Variants in KIAA1755 observed in about 807,000 individuals in gnomAD.
The protein encoded by KIAA1755 is KIAA1755, also known as uncharacterized protein KIAA1755.
A neutral mutation model predicts 91.7 loss-of-function variants in KIAA1755; 68 were observed. That is an observed-to-expected ratio of 0.74 (90% CI 0.61 to 0.91). The LOEUF (loss-of-function observed/expected upper bound fraction) is 0.91. KIAA1755 is among the 40% of genes least tolerant of loss of function. KIAA1755 has a pLI of 0.00. For missense variants in KIAA1755, 1,535 were observed against 1,494.4 expected (o/e 1.03, Z -0.45); for synonymous variants, 610 against 604.6 (o/e 1.01, Z -0.13).
intron 1 of KIAA1755, among the ~76,000 whole-genome samples, chr20:38,248,681 TTTATTATTATTATTATTA>T (rs139229061): frequency 1.4e-5 from 2 of 144,788 alleles, no homozygotes; most frequent in East Asian, 2.0e-4. Flanking sequence ...TTGTCTTCTC[TTTATTATTATTATTATTA>T]TTATTATTAT....
intron 2 of KIAA1755, among the ~76,000 whole-genome samples, chr20:38,242,350 CT>C (rs887309387): frequency 2.0e-5 from 3 of 152,186 alleles, no homozygotes; most frequent in African/African-American, 7.2e-5. Context: ...TGCTTAACTT[CT>C]TTGAGCCCCA....
chr20:38,215,210 C>T (rs993416649), intron 13 of KIAA1755, among the ~76,000 whole-genome samples: 1 of 152,206 alleles, frequency 6.6e-6, no homozygotes, highest in African/African-American at 2.4e-5. Context: ...AAATTCAGGG[C>T]CAGTGAGGAA....
At chr20:38,240,490 G>A (rs1350327672) in intron 3 of KIAA1755, 92 bp downstream of exon 3, 1 of 1,299,592 alleles carries the variant, frequency 7.7e-7, no homozygotes, top group African/African-American at 1.5e-5. Context: ...GCCAGCCCAG[G>A]TGGTCTCTAT....
In KIAA1755 at chr20:38,228,183, TG is replaced by T. The variant is rs34934861; in HGVS notation, c.1928del (p.Pro643HisfsTer46). On this transcript the variant is annotated frameshift_variant, in exon 6 of 14. Coordinates refer to ENST00000279024, the MANE Select transcript of KIAA1755 (RefSeq NM_001029864.2). LOFTEE classifies it high-confidence loss of function. ...GCAGGGCGCTGACCAGACCGGGCTGTGGGGGCTGTCTCCTGGCGTCAATCAG... is the reference window on the plus strand; with the variant it reads ...GCAGGGCGCTGACCAGACCGGGCTGTGGGGCTGTCTCCTGGCGTCAATCAG... ...AVLIDARRQP[P>X]QPGLVSALQA... 1 of 1,605,570 alleles carries T rather than the reference TG, an allele frequency of 6.2e-7. No homozygotes were observed. Among genetic ancestry groups the T allele is most frequent in the Non-Finnish European group, 8.5e-7 (1 of 1,176,484 alleles).
chr20:38,260,314 G>A (rs1315341216), intron 1 of KIAA1755, 184 bp downstream of exon 1: 26 of 1,553,408 alleles, frequency 1.7e-5, no homozygotes, highest in East Asian at 4.9e-5. Context: ...GACGCGGCCA[G>A]AGATGGGCTC....
intron 12 of KIAA1755, 57 bp downstream of exon 12, chr20:38,218,187 C>T: frequency 1.9e-6 from 3 of 1,607,678 alleles, no homozygotes; most frequent in Non-Finnish European, 8.5e-7. Context: ...CAGTGCCACC[C>T]CCTCTAACGC....
chr20:38,245,510 A>C (rs1395077393), intron 2 of KIAA1755, among the ~76,000 whole-genome samples: 1 of 152,214 alleles, frequency 6.6e-6, no homozygotes, highest in African/African-American at 2.4e-5. Flanking sequence ...AAGAGGTCAC[A>C]GGGGAAGAAA....
At chr20:38,223,684 G>A (rs1389447493) in intron 8 of KIAA1755, 48 bp from the exon 9 acceptor site, 1 of 1,439,846 alleles carries the variant, frequency 6.9e-7, no homozygotes, top group African/African-American at 1.4e-5. Flanking sequence ...GGCCAACCAG[G>A]AGGATGCCTC....
intron 4 of KIAA1755, among the ~76,000 whole-genome samples, chr20:38,237,839 T>G (rs2075986570): frequency 2.8e-5 from 4 of 145,268 alleles, no homozygotes; most frequent in Non-Finnish European, 3.0e-5. Flanking sequence ...ATGGGGGGAG[T>G]CATGTGGGGA....
At chr20:38,238,680 C>G (rs950024355) in intron 4 of KIAA1755, among the ~76,000 whole-genome samples, 5 of 152,216 alleles carry the variant, frequency 3.3e-5, no homozygotes, top group Non-Finnish European at 7.3e-5. Flanking sequence ...TTCCCCACCA[C>G]TAGAATATAG....
chr20:38,250,462 A>ATATTATTAT (rs147689166), intron 1 of KIAA1755, among the ~76,000 whole-genome samples: 1,792 of 147,742 alleles, frequency 0.012, 50 homozygotes, highest in African/African-American at 0.042. Context: ...TTCTGTGGTC[A>ATATTATTAT]TATTATTATT....
chr20:38,251,502 T>C (rs2076248545), intron 1 of KIAA1755, among the ~76,000 whole-genome samples: 1 of 148,640 alleles, frequency 6.7e-6, no homozygotes, highest in African/African-American at 2.5e-5. Context: ...GGCAATGGAG[T>C]GGGGGTGGGG....
At chr20:38,259,522 TGTGTGTGTGA>T (rs1226394147) in intron 1 of KIAA1755, among the ~76,000 whole-genome samples, 1 of 139,316 alleles carries the variant, frequency 7.2e-6, no homozygotes, top group African/African-American at 2.8e-5. Flanking sequence ...TGTGTGTGTG[TGTGTGTGTGA>T]GAGAGAGAGA....
Position 38,241,870 on chromosome 20 carries a change from T to G in KIAA1755, c.261A>C (p.Glu87Asp). The G allele has an allele frequency of 6.2e-7, 1 of 1,613,950 alleles. No homozygotes were observed. Among genetic ancestry groups the G allele is most frequent in the African/African-American group, 1.3e-5 (1 of 75,042 alleles). Residue 87 changes from glutamate to aspartate, a missense_variant, in exon 3 of 14, where the codon GAA (glutamate) becomes GAC (aspartate). Coordinates refer to ENST00000279024, the MANE Select transcript of KIAA1755 (RefSeq NM_001029864.2). Reference protein sequence around the residue: ...HEGWPLCLRDEVVVHLAPLNP... With the variant: ...HEGWPLCLRDDVVVHLAPLNP... ...TGAGGGGTGCCAAGTGGACCACAAC[T>G]TCATCCCTCAGACAGAGTGGCCAGC...
intron 7 of KIAA1755, 50 bp downstream of exon 7, chr20:38,227,104 T>A: frequency 7.0e-7 from 1 of 1,422,416 alleles, no homozygotes; most frequent in Non-Finnish European, 9.9e-7. Flanking sequence ...CCAGCTCAGC[T>A]CGAGCCCAAC....
In KIAA1755 at chr20:38,257,347, G is replaced by C. The variant is rs529309186; in HGVS notation, c.3+3151C>G. ...TGTAAACCGAGCACTTTGGGAGGTT[G>C]AGGTGGGAGGATCACTTGAGGTCAG... is the stretch of plus-strand genomic sequence containing the variant. On this transcript the variant is annotated intron_variant, in intron 1 of 13. Transcript: ENST00000279024. Among the ~76,000 whole-genome samples, 8 of 152,280 alleles carry C rather than the reference G, an allele frequency of 5.3e-5. No homozygotes were observed. The South Asian group carries it at 1.5e-3, about 28-fold the overall frequency.
chr20:38,260,203 C>T, intron 1 of KIAA1755: 1 of 1,448,006 alleles, frequency 6.9e-7, no homozygotes, highest in Non-Finnish European at 9.1e-7. Context: ...CCCTCAGCCT[C>T]AGGGCTGAGA....
intron 7 of KIAA1755, among the ~76,000 whole-genome samples, chr20:38,226,192 C>T (rs2075753861): frequency 6.6e-6 from 1 of 152,188 alleles, no homozygotes; most frequent in African/African-American, 2.4e-5. Context: ...GAGCTGTTTC[C>T]TTCTTGGGGC....
rs768025049 is a variant in KIAA1755, at chr20:38,240,930, G to C, written c.1201C>G (p.Gln401Glu). The change falls in exon 3 of 14, where the codon CAG (glutamine) becomes GAG (glutamate). Residue 401 changes from glutamine to glutamate, a missense_variant. Transcript: ENST00000279024. The stretch of plus-strand genomic sequence containing the variant: ...TTCTCTGGGTTTCCTAGAGGTCCCT[G>C]CATCTTGGAGGCAGCTGGCTCTTGT... ...VSQEPAASKM[Q>E]GPLGNPENMV... 13 of 1,613,958 alleles carry C rather than the reference G, an allele frequency of 8.1e-6. No homozygotes were observed. The South Asian group carries it at 1.4e-4, about 18-fold the overall frequency.
Sources: gnomAD v4.1 joint callset for allele counts (sites outside exome capture counted in the v4.1 genomes callset) on GRCh38, gnomAD v4.1.1 for gene constraint, MANE v1.5 for transcripts, NCBI Gene and HGNC (gene_info 2026-07-23, HGNC 2026-07-21) for gene names.